VCAN: variants seen among roughly 807,000 people sequenced by gnomAD.
VCAN encodes the protein versican.
Under a neutral mutation model 245.5 loss-of-function variants are expected in VCAN, and 44 were observed. The ratio of observed to expected loss-of-function variants is 0.18; its 90% CI spans 0.14 to 0.23. The LOEUF (loss-of-function observed/expected upper bound fraction) is 0.23. Among genes scored for constraint, VCAN ranks in the 10% least tolerant of loss-of-function variants. The pLI is 1.00. For missense variants in VCAN, 3,793 were observed against 4,057.9 expected (o/e 0.93, Z 1.77); for synonymous variants, 1,413 against 1,437.0 (o/e 0.98, Z 0.38).
intron 2 of VCAN, among the ~76,000 whole-genome samples, chr5:83,485,082 A>T (rs1744748899): frequency 6.6e-6 from 1 of 152,218 alleles, no homozygotes; most frequent in Non-Finnish European, 1.5e-5. Flanking sequence ...TTAAGTGCTT[A>T]ACACTAACTC....
chr5:83,521,142 A>C lies in VCAN; in HGVS notation c.2836A>C (p.Thr946Pro). ...ATCTACTGTTCCCCAATTTGCACAC[A>C]CTTCAGAGGTGGAAGGATTAGCATT... ...PVSTVPQFAH[T>P]SEVEGLAFVS... The change falls in exon 7 of 15, where the codon ACT becomes CCT. Residue 946 changes from threonine (T) to proline (P), a missense_variant. Physicochemically the swap from Thr to Pro is conservative, Grantham distance 38. Transcript: ENST00000265077. 2.5e-6 allele frequency: 4 copies of C among 1,613,942 alleles called. No homozygotes were observed. The highest frequency in any genetic ancestry group is 3.4e-6 in the Non-Finnish European group (4 of 1,179,888).
In VCAN at chr5:83,547,951, C is replaced by G. The variant is rs199997574; in HGVS notation, c.9380-20C>G. 1.3e-6 allele frequency: 2 copies of G among 1,547,354 alleles called. No individual in the cohort carries two copies. The highest frequency in any genetic ancestry group is 1.8e-6 in the Non-Finnish European group (2 of 1,119,304). On this transcript the variant is annotated intron_variant, in intron 9 of 14. Coordinates refer to ENST00000265077, the MANE Select transcript of VCAN (RefSeq NM_004385.5). ...ATACTTTTTGAAAGTATTTTGTGAGCTTTTACTATTTTGTTTCAGATTTTG... is the reference window on the plus strand; with the variant it reads ...ATACTTTTTGAAAGTATTTTGTGAGGTTTTACTATTTTGTTTCAGATTTTG...
intron 7 of VCAN, among the ~76,000 whole-genome samples, chr5:83,524,702 A>T (rs1464089401): frequency 6.6e-6 from 1 of 152,076 alleles, no homozygotes; most frequent in Non-Finnish European, 1.5e-5. Flanking sequence ...ACCTATACTA[A>T]TATTATTTAT....
chr5:83,505,717 G>C (rs1745462083), intron 5 of VCAN, among the ~76,000 whole-genome samples: 1 of 152,202 alleles, frequency 6.6e-6, no homozygotes, highest in Non-Finnish European at 1.5e-5. Flanking sequence ...TAGGGACTCT[G>C]TCTGGGGGCT....
intron 2 of VCAN, among the ~76,000 whole-genome samples, chr5:83,489,811 C>CTT (rs11389823): frequency 0.059 from 8,608 of 147,136 alleles, 345 homozygotes; most frequent in Non-Finnish European, 0.089. Flanking sequence ...TTATGCTTGC[C>CTT]TTTTTTTTTT....
chr5:83,537,229 A>G lies in VCAN; in HGVS notation c.4226A>G (p.Gln1409Arg), dbSNP rs377701113. Residue 1409 changes from glutamine to arginine, a missense_variant, in exon 8 of 15, where the codon CAG becomes CGG. By Grantham distance (43) the Gln-to-Arg change is conservative (BLOSUM62 1). Around this residue, in one of 5 missense-constraint regions of VCAN, gnomAD observed 3,182 missense variants for 3,250.3 expected, o/e 0.98. Transcript: ENST00000265077. ...ATDVTTTPSV[Q>R]YINGKHLVTT... ...GATGTGACAACCACCCCATCTGTGC[A>G]GTACATAAATGGGAAGCATCTCGTT... 8 of 1,613,922 alleles carry G rather than the reference A, an allele frequency of 5.0e-6. No homozygotes were observed. The highest frequency in any genetic ancestry group is 5.9e-6 in the Non-Finnish European group (7 of 1,179,954).
chr5:83,565,324 T>C (rs1748030407), intron 12 of VCAN, among the ~76,000 whole-genome samples: 1 of 152,112 alleles, frequency 6.6e-6, no homozygotes, highest in Non-Finnish European at 1.5e-5. Context: ...TGTGTATGAA[T>C]GGAAGCATTA....
chr5:83,516,103 G>A lies in VCAN; in HGVS notation c.1043-3246G>A, dbSNP rs184091104. Among the ~76,000 whole-genome samples the A allele has an allele frequency of 6.1e-3, 928 of 152,112 alleles. 14 individuals are homozygous for A. Among genetic ancestry groups the A allele is most frequent in the African/African-American group, 0.021 (879 of 41,500 alleles). On this transcript the variant is annotated intron_variant, in intron 6 of 14. Transcript: ENST00000265077. ...AAAAATTAGCCGGGCATGGTGGCGG[G>A]CGCCTGTAGTCCCAGTCCCTAACCC... is the stretch of plus-strand genomic sequence containing the variant.
chr5:83,487,232 A>G (rs1314703495), intron 2 of VCAN, among the ~76,000 whole-genome samples: 1 of 152,128 alleles, frequency 6.6e-6, no homozygotes, highest in Non-Finnish European at 1.5e-5. Context: ...TCTCAATTTG[A>G]CATTTATTTG....
intron 5 of VCAN, among the ~76,000 whole-genome samples, chr5:83,497,743 T>C (rs1208703332): frequency 1.3e-5 from 2 of 152,180 alleles, no homozygotes; most frequent in Non-Finnish European, 2.9e-5. Flanking sequence ...AAGGTAGAGT[T>C]GAGATGATTA....
chr5:83,537,536 A>G lies in VCAN; in HGVS notation c.4533A>G (p.Glu1511=), dbSNP rs1746770858. 6.2e-7 allele frequency: 1 copy of G among 1,613,920 alleles called. No homozygotes were observed. ...FPTVPFHEEF[E]SGTAKKGAES... is the part of the protein sequence containing the mutation. ...CAGTCCCATTCCATGAGGAATTTGA[A>G]AGTGGAACAGCCAAAAAAGGGGCAG... The change falls in exon 8 of 15, where the codon GAA becomes GAG. Residue 1511 remains glutamate, a synonymous_variant. Transcript: ENST00000265077.
intron 9 of VCAN, 104 bp downstream of exon 9, chr5:83,545,754 G>T: frequency 1.1e-6 from 1 of 937,790 alleles, no homozygotes; most frequent in South Asian, 1.3e-5. Flanking sequence ...AAACCCATAT[G>T]AAGATTAATT....
intron 12 of VCAN, among the ~76,000 whole-genome samples, chr5:83,556,562 A>T (rs1191676842): frequency 2.0e-5 from 3 of 152,184 alleles, no homozygotes; most frequent in African/African-American, 7.2e-5. Flanking sequence ...AGGAAACACA[A>T]CCTTAGAATC....
chr5:83,575,346 C>T (rs546538904), intron 13 of VCAN, among the ~76,000 whole-genome samples: 6 of 152,184 alleles, frequency 3.9e-5, no homozygotes, highest in Non-Finnish European at 7.3e-5. Context: ...CTTACTTCAG[C>T]ACCTCTGCGA....
intron 1 of VCAN, among the ~76,000 whole-genome samples, chr5:83,478,537 A>G (rs2112334680): frequency 6.6e-6 from 1 of 152,338 alleles, no homozygotes; most frequent in South Asian, 2.1e-4. Flanking sequence ...AAATATCTGG[A>G]AACAGTGTAA....
chr5:83,543,339 G>C (rs931556245), intron 8 of VCAN, among the ~76,000 whole-genome samples: 2 of 152,168 alleles, frequency 1.3e-5, no homozygotes, highest in Non-Finnish European at 2.9e-5. Context: ...CCTGCAAAAA[G>C]AGGAAGAAAA....
At chr5:83,479,920 C>T (rs1158195916) in intron 1 of VCAN, among the ~76,000 whole-genome samples, 3 of 152,052 alleles carry the variant, frequency 2.0e-5, no homozygotes, top group South Asian at 2.1e-4. Context: ...ACTACAGGGG[C>T]GAGGCATGGA....
intron 10 of VCAN, among the ~76,000 whole-genome samples, chr5:83,551,896 GC>G (rs141455341): frequency 0.077 from 11,782 of 152,102 alleles, 519 homozygotes; most frequent in South Asian, 0.095. Context: ...TCATTTTGAG[GC>G]ACTGAGTGCT....
At position 83,580,479 on chromosome 5, in the gene VCAN, C is replaced by G; in HGVS notation, c.*45C>G. 1 of 1,611,174 alleles carries G rather than the reference C, an allele frequency of 6.2e-7. No homozygotes were observed. Among genetic ancestry groups the G allele is most frequent in the Non-Finnish European group, 8.5e-7 (1 of 1,178,614 alleles). On this transcript the variant is annotated 3_prime_UTR_variant, in exon 15 of 15. Coordinates refer to ENST00000265077, the MANE Select transcript of VCAN (RefSeq NM_004385.5). ...GTGTTTTCATCATTTCAGCCAAAGT[C>G]CTAACTTCCTGTGCCTTTCCTATCA...
Sources: allele counts gnomAD v4.1 joint callset (sites outside exome capture counted in the v4.1 genomes callset), GRCh38; gene constraint gnomAD v4.1.1; regional missense constraint gnomAD v4.1.1; transcripts MANE v1.5; gene names NCBI Gene and HGNC (gene_info 2026-07-23, HGNC 2026-07-21).